The following SORL1 variants were observed in gnomAD, a reference collection of about 807,000 sequenced individuals.
SORL1 encodes the protein sortilin-related receptor.
Under a neutral mutation model 273.7 loss-of-function variants are expected in SORL1, and 127 were observed. The ratio of observed to expected loss-of-function variants is 0.46; its 90% CI spans 0.40 to 0.54. The LOEUF is 0.54. SORL1 is among the 20% of genes least tolerant of loss of function. The pLI is 0.00. For synonymous variants in SORL1, 1,031 were observed against 1,067.4 expected, an observed-to-expected ratio of 0.97 and a Z score of 0.66; for missense variants, 2,494 against 2,846.1, an observed-to-expected ratio of 0.88 and a Z score of 2.81.
chr11:121,607,506 C>T, intron 37 of SORL1, among the ~76,000 whole-genome samples: 1 of 152,152 alleles, frequency 6.6e-6, no homozygotes, highest in East Asian at 1.9e-4. Context: ...CTGTAGATAA[C>T]CGGGCGTTTA....
At chr11:121,518,954 T>TC (rs1276391628) in intron 8 of SORL1, among the ~76,000 whole-genome samples, 1 of 149,070 alleles carries the variant, frequency 6.7e-6, no homozygotes, top group East Asian at 1.9e-4. Context: ...TCTTTTTCTT[T>TC]TTTTTTTTTT....
At chr11:121,464,867 G>A (rs1211589188) in intron 1 of SORL1, among the ~76,000 whole-genome samples, 1 of 152,134 alleles carries the variant, frequency 6.6e-6, no homozygotes, top group African/African-American at 2.4e-5. Flanking sequence ...CCTGCCTCCT[G>A]TATGACTCAT....
chr11:121,561,976 C>T, intron 21 of SORL1, among the ~76,000 whole-genome samples: 1 of 152,124 alleles, frequency 6.6e-6, no homozygotes, highest in East Asian at 1.9e-4. Context: ...GTCTGGCTGT[C>T]AGCACTGTCT....
rs1862408850 is a variant in SORL1 at position 121,545,292 on chromosome 11, G to A, written c.1914G>A (p.Glu638=). The A allele has an allele frequency of 6.2e-7, 1 of 1,614,090 alleles. No homozygotes were observed. The highest frequency in any genetic ancestry group is 8.5e-7 in the Non-Finnish European group (1 of 1,179,938). The change falls in exon 14 of 48, where the codon GAG becomes GAA. Residue 638 remains glutamate, a synonymous_variant. Coordinates refer to ENST00000260197, the MANE Select transcript of SORL1 (RefSeq NM_003105.6). ...NDYKLWSPSD[E]RGNECLLGHK... is the part of the protein sequence containing the mutation. ...ACAAGCTGTGGTCACCATCTGATGA[G>A]CGGGGGAATGAGTGTTTGCTGGGAC...
chr11:121,532,500 C>G lies in SORL1; in HGVS notation c.1633C>G (p.His545Asp). 6.2e-7 allele frequency: 1 copy of G among 1,614,060 alleles called. No individual in the cohort carries two copies. The highest frequency in any genetic ancestry group is 8.5e-7 in the Non-Finnish European group (1 of 1,179,978). ...ACCTCACTACTACACATGGGGAGAC[C>G]ACGGCGGAATCATCACGGCCATTGC... is the stretch of plus-strand genomic sequence containing the variant. ...PGPHYYTWGD[H>D]GGIITAIAQG... The change falls in exon 12 of 48, where the codon CAC becomes GAC. Residue 545 changes from histidine to aspartate, a missense_variant. By Grantham distance (81) the His-to-Asp change is moderately conservative. Around this residue, in one of 3 missense-constraint regions of SORL1, gnomAD observed 710 missense variants for 882.5 expected, o/e 0.80. Coordinates refer to ENST00000260197, the MANE Select transcript of SORL1 (RefSeq NM_003105.6).
At chr11:121,620,958 C>A in intron 43 of SORL1, 106 bp from the exon 44 acceptor site, 1 of 784,634 alleles carries the variant, frequency 1.3e-6, no homozygotes. Flanking sequence ...ACTCTTGTTG[C>A]TGTGGGTCCC....
At chr11:121,591,242 G>A in intron 31 of SORL1, 86 bp downstream of exon 31, 2 of 1,445,346 alleles carry the variant, frequency 1.4e-6, no homozygotes, top group Non-Finnish European at 1.9e-6. Flanking sequence ...CAATCCAACC[G>A]GGCCCCATGC....
At chr11:121,477,608 C>T (rs1861294094) in intron 2 of SORL1, among the ~76,000 whole-genome samples, 1 of 152,218 alleles carries the variant, frequency 6.6e-6, no homozygotes, top group African/African-American at 2.4e-5. Context: ...TGCTTTCTGC[C>T]CCCACATGCT....
intron 22 of SORL1, among the ~76,000 whole-genome samples, chr11:121,569,938 C>CT (rs1289165070): frequency 6.6e-6 from 1 of 152,088 alleles, no homozygotes; most frequent in Non-Finnish European, 1.5e-5. Context: ...AAATTTCTCT[C>CT]TTTTTTTACG....
At chr11:121,506,478 C>T (rs974712439) in intron 6 of SORL1, among the ~76,000 whole-genome samples, 1 of 152,182 alleles carries the variant, frequency 6.6e-6, no homozygotes, top group Non-Finnish European at 1.5e-5. Context: ...GGAAACTCCT[C>T]CTTTTTAAAA....
intron 27 of SORL1, among the ~76,000 whole-genome samples, chr11:121,587,111 TGACAGA>T (rs1863127928): frequency 2.0e-5 from 3 of 152,254 alleles, no homozygotes; most frequent in African/African-American, 7.2e-5. Context: ...TGAGCAGTTG[TGACAGA>T]GTCTGTATGA....
chr11:121,558,715 G>A lies in SORL1; in HGVS notation c.2788G>A (p.Asp930Asn), dbSNP rs760029917. ...VKWPNGISVDDQWIYWTDAYL... is the reference protein window; with the variant it reads ...VKWPNGISVDNQWIYWTDAYL... ...GTGGCCCAATGGCATCTCTGTGGAC[G>A]ACCAGTGGATTTACTGGACGGATGC... The change falls in exon 20 of 48, where the codon GAC (aspartate) becomes AAC (asparagine). Residue 930 changes from aspartate (D) to asparagine (N), a missense_variant. By Grantham distance (23) the Asp-to-Asn change is conservative. This residue lies in a region of SORL1 where 1,609 missense variants were observed against 1,816.4 expected (regional missense o/e 0.89). Transcript: ENST00000260197. 29 of 1,614,142 alleles carry A rather than the reference G, an allele frequency of 1.8e-5. No individual in the cohort carries two copies. The highest frequency in any genetic ancestry group is 2.7e-5 in the African/African-American group (2 of 75,030).
At chr11:121,543,754 C>A in intron 13 of SORL1, 28 bp downstream of exon 13, 1 of 1,598,130 alleles carries the variant, frequency 6.3e-7, no homozygotes, top group Non-Finnish European at 8.5e-7. Context: ...TGGACCTTTT[C>A]ACATGGATAT....
chr11:121,452,389 G>A lies in SORL1; in HGVS notation c.58G>A (p.Ala20Thr). ...ACTCCCGTTCCTATTCACCCTGGTCGCACTGCTGCCGCCCGGAGCTCTCTG... is the reference window on the plus strand; with the variant it reads ...ACTCCCGTTCCTATTCACCCTGGTCACACTGCTGCCGCCCGGAGCTCTCTG... The part of the protein sequence containing the change: ...SRLPFLFTLV[A>T]LLPPGALCEV... The change falls in exon 1 of 48, where the codon GCA becomes ACA. Residue 20 changes from alanine to threonine, a missense_variant. Transcript: ENST00000260197. The surrounding 1 kb of genome is among the most constrained non-coding windows in gnomAD (Gnocchi z 5.3). The A allele has an allele frequency of 1.3e-6, 2 of 1,545,952 alleles. No homozygotes were observed. The highest frequency in any genetic ancestry group is 1.9e-5 in the Admixed American group (1 of 51,852).
At chr11:121,495,340 C>T (rs1861613148) in intron 5 of SORL1, among the ~76,000 whole-genome samples, 1 of 152,194 alleles carries the variant, frequency 6.6e-6, no homozygotes, top group South Asian at 2.1e-4. Flanking sequence ...CCTCCCTACC[C>T]TGGCCTCAGC....
intron 21 of SORL1, 123 bp from the exon 22 acceptor site, chr11:121,566,817 C>T: frequency 1.1e-6 from 1 of 920,654 alleles, no homozygotes; most frequent in Non-Finnish European, 1.6e-6. Flanking sequence ...GCCACTTGAC[C>T]CTTGAGAGCT....
chr11:121,599,831 G>T (rs764900918), intron 32 of SORL1, among the ~76,000 whole-genome samples: 2 of 151,992 alleles, frequency 1.3e-5, no homozygotes, highest in Admixed American at 1.3e-4. Flanking sequence ...AACCTTAAAA[G>T]ATTCTTATTT....
rs773169953 is a variant in SORL1, at chr11:121,496,939, G to A, written c.829G>A (p.Val277Ile). 1 of 1,613,378 alleles carries A rather than the reference G, an allele frequency of 6.2e-7. No individual in the cohort carries two copies. Among genetic ancestry groups the A allele is most frequent in the South Asian group, 1.1e-5 (1 of 91,058 alleles). ...ERHEPSGYST[V>I]FRSTDFFQSR... ...ACATGAACCCTCTGGCTACTCCACT[G>A]TCTTCCGAAGTACAGATTTCTTCCA... Residue 277 changes from valine (V) to isoleucine (I), a missense_variant, in exon 6 of 48, where the codon GTC becomes ATC. This residue lies in a region of SORL1 where 710 missense variants were observed against 882.5 expected (regional missense o/e 0.80). Transcript: ENST00000260197.
chr11:121,572,619 G>A (rs1862860392), intron 23 of SORL1, among the ~76,000 whole-genome samples: 1 of 152,152 alleles, frequency 6.6e-6, no homozygotes, highest in Non-Finnish European at 1.5e-5. Context: ...TTCTAAGCAG[G>A]GCTGCAGGAG....
Sources: allele counts gnomAD v4.1 joint callset (sites outside exome capture counted in the v4.1 genomes callset), GRCh38; gene constraint gnomAD v4.1.1; regional missense constraint gnomAD v4.1.1; non-coding constraint Gnocchi (gnomAD v3.1); transcripts MANE v1.5; gene names NCBI Gene and HGNC (gene_info 2026-07-23, HGNC 2026-07-21).